BUB1B: variants seen among roughly 807,000 people sequenced by gnomAD.
BUB1B encodes BUB1 mitotic checkpoint serine/threonine kinase B, also known as mitotic checkpoint serine/threonine-protein kinase BUB1 beta.
In BUB1B, 86 loss-of-function variants were observed where a neutral mutation model predicts 137.7. That is an observed-to-expected ratio of 0.62 (90% confidence interval 0.52 to 0.75). The LOEUF (loss-of-function observed/expected upper bound fraction) is 0.75, where lower values mean the gene tolerates loss of function less well. BUB1B is among the 30% of genes least tolerant of loss of function. The pLI, the probability that BUB1B is intolerant of heterozygous loss-of-function variation, is 0.00. For missense variants in BUB1B, 1,130 were observed against 1,236.9 expected (o/e 0.91, Z 1.30); for synonymous variants, 420 against 417.9 (o/e 1.00, Z -0.06).
At chr15:40,162,042 A>C (rs2037048383) in intron 1 of BUB1B, among the ~76,000 whole-genome samples, 1 of 152,142 alleles carries the variant, frequency 6.6e-6, no homozygotes, top group Non-Finnish European at 1.5e-5. Context: ...TGTTAGGTGG[A>C]GATGTGGTCA....
intron 7 of BUB1B, 83 bp downstream of exon 7, chr15:40,185,462 T>C: frequency 6.3e-7 from 1 of 1,587,492 alleles, no homozygotes; most frequent in East Asian, 2.2e-5. Context: ...CCATCTCTTT[T>C]AATTCCTCTT....
Position 40,217,503 on chromosome 15 carries a change from G to A in BUB1B, c.2686G>A (p.Asp896Asn), listed in dbSNP as rs778645750. Residue 896 changes from aspartate (D) to asparagine (N), a missense_variant, in exon 21 of 23, where the codon GAT becomes AAT. By Grantham distance (23) the Asp-to-Asn change is conservative. Coordinates refer to ENST00000287598, the MANE Select transcript of BUB1B (RefSeq NM_001211.6). ...RCLILRNRIH[D>N]PYDCNKNNQA... ...TCTTAAATCTGGGCTCAGAATCCAC[G>A]ATCCCTATGATTGTAACAAGAACAA... The A allele has an allele frequency of 3.7e-6, 6 of 1,613,662 alleles. No homozygotes were observed. Among genetic ancestry groups the A allele is most frequent in the Admixed American group, 3.3e-5 (2 of 59,946 alleles).
rs939783067 is a variant in BUB1B at position 40,206,419 on chromosome 15, G to T, written c.1970G>T (p.Gly657Val). ...KTSEDQQTACGTIYSQTLSIK... is the reference protein window; with the variant it reads ...KTSEDQQTACVTIYSQTLSIK... The stretch of plus-strand genomic sequence containing the variant: ...TCTGAGGACCAGCAGACAGCTTGTG[G>T]CACTATCTACAGTCAGACTCTCAGC... Residue 657 changes from glycine to valine, a missense_variant, in exon 15 of 23, where the codon GGC (glycine) becomes GTC (valine). Coordinates refer to ENST00000287598, the MANE Select transcript of BUB1B (RefSeq NM_001211.6). The T allele has an allele frequency of 1.1e-5, 18 of 1,614,066 alleles. No individual in the cohort carries two copies. Among genetic ancestry groups the T allele is most frequent in the Non-Finnish European group, 1.4e-5 (17 of 1,180,042 alleles).
chr15:40,218,304 T>C, intron 21 of BUB1B, 152 bp from the exon 22 acceptor site: 1 of 677,926 alleles, frequency 1.5e-6, no homozygotes, highest in Non-Finnish European at 2.7e-6. Context: ...AGCTTCTCCC[T>C]TTACTGTAAG....
intron 8 of BUB1B, among the ~76,000 whole-genome samples, chr15:40,186,726 T>A (rs1000395694): frequency 5.3e-5 from 8 of 151,686 alleles, no homozygotes; most frequent in Non-Finnish European, 1.0e-4. Context: ...ATTACAGGCG[T>A]GAGCCACTGC....
chr15:40,188,045 A>T (rs958532949), intron 8 of BUB1B, among the ~76,000 whole-genome samples: 4 of 152,186 alleles, frequency 2.6e-5, no homozygotes, highest in African/African-American at 7.2e-5. Flanking sequence ...TGGTACAGGA[A>T]ATATTAAACT....
chr15:40,203,283 GTGAA>G (rs1256237643), intron 14 of BUB1B, among the ~76,000 whole-genome samples: 4 of 152,212 alleles, frequency 2.6e-5, no homozygotes, highest in African/African-American at 9.6e-5. Flanking sequence ...GTTATGTCAA[GTGAA>G]TGAAGCCAGA....
chr15:40,173,716 C>T (rs943944288), intron 4 of BUB1B, among the ~76,000 whole-genome samples: 6 of 152,134 alleles, frequency 3.9e-5, no homozygotes, highest in African/African-American at 1.2e-4. Context: ...TTGAGAAGCA[C>T]GGGTATAGAC....
At position 40,185,587 on chromosome 15, in the gene BUB1B, G is replaced by C. The variant is rs145184714; in HGVS notation, c.1003G>C (p.Ala335Pro). The change falls in exon 8 of 23, where the codon GCT becomes CCT. Residue 335 changes from alanine to proline, a missense_variant. Physicochemically the swap from Ala to Pro is conservative, Grantham distance 27. Coordinates refer to ENST00000287598, the MANE Select transcript of BUB1B (RefSeq NM_001211.6). ...TACAGCTTCACTGATAGCTGTACCC[G>C]CTGTGCTTCCCAGTTTCACTCCATA... ...GNTASLIAVP[A>P]VLPSFTPYVE... The C allele has an allele frequency of 9.5e-5, 154 of 1,614,104 alleles. No individual in the cohort carries two copies. The African/African-American group carries it at 1.9e-3, about 20-fold the overall frequency.
At chr15:40,163,725 G>A (rs1223476855) in intron 1 of BUB1B, among the ~76,000 whole-genome samples, 1 of 152,110 alleles carries the variant, frequency 6.6e-6, no homozygotes, top group Admixed American at 6.5e-5. Flanking sequence ...TGTTTGTTTC[G>A]AGTCTTTATT....
rs770077868 is a variant in BUB1B, at chr15:40,196,779, G to A, written c.1288+5G>A. 30 of 1,613,252 alleles carry A rather than the reference G, an allele frequency of 1.9e-5. 1 individual carries two copies. The highest frequency in any genetic ancestry group is 2.3e-5 in the Non-Finnish European group (27 of 1,179,406). On this transcript the variant is annotated splice_donor_5th_base_variant and intron_variant, in intron 9 of 22. Transcript: ENST00000287598. ...AATTAAAAGAGCAAAGGGAAGGTGTGTGTAATTCAAGTTTGTGAAGAGGAC... is the reference window on the plus strand; with the variant it reads ...AATTAAAAGAGCAAAGGGAAGGTGTATGTAATTCAAGTTTGTGAAGAGGAC...
chr15:40,180,781 C>T (rs2037282982), intron 5 of BUB1B, among the ~76,000 whole-genome samples: 1 of 150,458 alleles, frequency 6.6e-6, no homozygotes, highest in African/African-American at 2.4e-5. Flanking sequence ...TCCCGAGTAG[C>T]TGGGACTACA....
rs115298965 is a variant in BUB1B, at chr15:40,212,311, C to T, written c.2386-188C>T. Among the ~76,000 whole-genome samples the T allele has an allele frequency of 1.5e-4, 23 of 152,318 alleles. No individual in the cohort carries two copies. The East Asian group carries it at 2.7e-3, about 18-fold the overall frequency. On this transcript the variant is annotated intron_variant, in intron 18 of 22. Transcript: ENST00000287598. ...TTTTATTCTAATTGGATTGTTACCT[C>T]CTGTTCTCTTTCCAGCTTATCCTCT...
chr15:40,217,732 A>G, intron 21 of BUB1B, 65 bp downstream of exon 21: 3 of 1,575,576 alleles, frequency 1.9e-6, no homozygotes, highest in Non-Finnish European at 2.6e-6. Flanking sequence ...TATCTAGATA[A>G]GCTATAAAAG....
At chr15:40,202,782 A>G in intron 14 of BUB1B, 88 bp downstream of exon 14, 2 of 1,155,438 alleles carry the variant, frequency 1.7e-6, no homozygotes, top group Non-Finnish European at 2.6e-6. Flanking sequence ...AATTGAAACC[A>G]CTGACTTGAA....
At position 40,175,372 on chromosome 15, in the gene BUB1B, G is replaced by A. The variant is rs374098322; in HGVS notation, c.385-1105G>A. ...TGATTGCGTCACTGCAGTCCAGCCT[G>A]GGCAACAGAGCAAGACCTTGTCTGT... On this transcript the variant is annotated intron_variant, in intron 4 of 22. Coordinates refer to ENST00000287598, the MANE Select transcript of BUB1B (RefSeq NM_001211.6). 2.6e-5 allele frequency among the ~76,000 whole-genome samples: 4 copies of A among 152,060 alleles called. No individual in the cohort carries two copies. The East Asian group carries it at 5.8e-4, about 22-fold the overall frequency.
chr15:40,217,433 C>G (rs1333419119), intron 20 of BUB1B, 63 bp from the exon 21 acceptor site: 1 of 1,540,214 alleles, frequency 6.5e-7, no homozygotes, highest in African/African-American at 1.4e-5. Flanking sequence ...TTTTTAAAGA[C>G]CAGCTATGCA....
chr15:40,209,213 G>A (rs1169812464), intron 16 of BUB1B, among the ~76,000 whole-genome samples: 2 of 152,066 alleles, frequency 1.3e-5, no homozygotes, highest in African/African-American at 4.8e-5. Flanking sequence ...AGGGTCAGGA[G>A]ATCGAGACCA....
At chr15:40,208,871 G>T in intron 16 of BUB1B, 101 bp downstream of exon 16, 2 of 1,239,216 alleles carry the variant, frequency 1.6e-6, no homozygotes, top group Admixed American at 1.8e-5. Context: ...GTCTCACTCT[G>T]TCACCCAGGA....
Sources: allele counts gnomAD v4.1 joint callset (sites outside exome capture counted in the v4.1 genomes callset), GRCh38; gene constraint gnomAD v4.1.1; transcripts MANE v1.5; gene names NCBI Gene and HGNC (gene_info 2026-07-23, HGNC 2026-07-21).